CD247: variants seen among roughly 807,000 people sequenced by gnomAD.
CD247 encodes T-cell surface glycoprotein CD3 zeta chain.
A neutral mutation model predicts 30.0 loss-of-function variants in CD247; 13 were observed. The observed-to-expected ratio is 0.43, with a 90% CI of 0.28 to 0.69. CD247 has a LOEUF of 0.69. Among genes scored for constraint, CD247 ranks in the 30% least tolerant of loss-of-function variants. The pLI is 0.16. For synonymous variants in CD247, 72 were observed against 80.0 expected (o/e 0.90, Z 0.53); for missense variants, 193 against 212.6 (o/e 0.91, Z 0.57).
intron 1 of CD247, among the ~76,000 whole-genome samples, chr1:167,444,354 C>T (rs1024710130): frequency 7.2e-5 from 11 of 152,152 alleles, no homozygotes; most frequent in East Asian, 1.9e-4. Context: ...TCCCTGTGCG[C>T]GCTCCTGTGG....
At chr1:167,482,356 C>T (rs532102036) in intron 1 of CD247, among the ~76,000 whole-genome samples, 36 of 152,382 alleles carry the variant, frequency 2.4e-4, no homozygotes, top group African/African-American at 8.2e-4. Context: ...CCCTCACCAA[C>T]AGCCAAGAGG....
chr1:167,433,994 G>T, intron 6 of CD247, 26 bp downstream of exon 6: 1 of 1,605,480 alleles, frequency 6.2e-7, no homozygotes, highest in Non-Finnish European at 8.5e-7. Context: ...GAACTCCCTC[G>T]GAAATTAAGA....
At chr1:167,477,807 G>A (rs1487688351) in intron 1 of CD247, among the ~76,000 whole-genome samples, 3 of 152,224 alleles carry the variant, frequency 2.0e-5, no homozygotes, top group Non-Finnish European at 4.4e-5. Context: ...GAGATGACAG[G>A]TGTGAGCCAC....
intron 1 of CD247, among the ~76,000 whole-genome samples, chr1:167,482,025 C>T (rs1266611521): frequency 1.3e-5 from 2 of 152,186 alleles, no homozygotes; most frequent in Admixed American, 6.5e-5. Flanking sequence ...GCCTCTCAAC[C>T]AAGACTTCTG....
intron 1 of CD247, among the ~76,000 whole-genome samples, chr1:167,505,219 C>G (rs1203242851): frequency 6.6e-6 from 1 of 152,092 alleles, no homozygotes; most frequent in East Asian, 1.9e-4. Context: ...CAGCCTGGAA[C>G]TCCTGGGCTC....
intron 1 of CD247, among the ~76,000 whole-genome samples, chr1:167,458,313 G>C (rs1388897621): frequency 1.3e-5 from 2 of 152,326 alleles, no homozygotes; most frequent in African/African-American, 4.8e-5. Flanking sequence ...GGAATGAGTG[G>C]GATTGGGATG....
intron 2 of CD247, 54 bp downstream of exon 2, chr1:167,440,610 C>T (rs1651781589): frequency 1.7e-6 from 2 of 1,190,410 alleles, no homozygotes; most frequent in South Asian, 1.2e-5. Flanking sequence ...CCCCTCTGAA[C>T]ATCCATCAAG....
At position 167,471,321 on chromosome 1, in the gene CD247, T is replaced by C. The variant is rs545783537; in HGVS notation, c.59-30554A>G. On this transcript the variant is annotated intron_variant, in intron 1 of 7. Coordinates refer to ENST00000362089, the MANE Select transcript of CD247 (RefSeq NM_198053.3). ...TTCAGCTCTAAATTTTCTGGGCTAT[T>C]TAAACTTAGGGCTGACTTACTTTCC... 1.4e-3 allele frequency among the ~76,000 whole-genome samples: 216 copies of C among 152,314 alleles called. 2 individuals are homozygous for C. The highest frequency in any genetic ancestry group is 5.1e-3 in the African/African-American group (212 of 41,570).
chr1:167,431,471 G>A lies in CD247; in HGVS notation c.*210C>T, dbSNP rs1198749732. On this transcript the variant is annotated 3_prime_UTR_variant, in exon 8 of 8. Coordinates refer to ENST00000362089, the MANE Select transcript of CD247 (RefSeq NM_198053.3). ...AACCAGAGGGCCCAAGGCCAGGGCCGTAAGCCCTGGGAGTACACTCCCTTA... is the reference window on the plus strand; with the variant it reads ...AACCAGAGGGCCCAAGGCCAGGGCCATAAGCCCTGGGAGTACACTCCCTTA... The A allele has an allele frequency of 2.1e-5, 13 of 631,296 alleles. No homozygotes were observed. Among genetic ancestry groups the A allele is most frequent in the South Asian group, 3.7e-5 (2 of 54,444 alleles). 39.1% of individuals were successfully genotyped at this position (631,296 alleles called of 1,614,324 possible). A position where few individuals can be genotyped will look rare whatever the true frequency, so the allele number is the denominator to read the frequency against.
chr1:167,485,642 G>T (rs770492970), intron 1 of CD247, among the ~76,000 whole-genome samples: 12 of 152,078 alleles, frequency 7.9e-5, no homozygotes, highest in Non-Finnish European at 1.3e-4. Context: ...AGGCTCCCGT[G>T]GGGAGGGTAT....
chr1:167,469,777 G>A (rs192897568), intron 1 of CD247, among the ~76,000 whole-genome samples: 312 of 152,230 alleles, frequency 2.0e-3, no homozygotes, highest in African/African-American at 7.2e-3. Flanking sequence ...GGTCACTGGG[G>A]CACAGCCTCC....
intron 4 of CD247, 26 bp downstream of exon 4, chr1:167,438,544 A>G (rs752464950): frequency 8.2e-6 from 13 of 1,588,668 alleles, no homozygotes; most frequent in Non-Finnish European, 1.1e-5. Context: ...ATGCAGGAAC[A>G]CACAGGAAGG....
intron 1 of CD247, among the ~76,000 whole-genome samples, chr1:167,479,920 G>A (rs757763989): frequency 7.2e-5 from 11 of 152,176 alleles, no homozygotes; most frequent in Non-Finnish European, 1.0e-4. Flanking sequence ...CATGAGCTTC[G>A]TGACTGCAGA....
At chr1:167,449,217 A>T (rs1227798370) in intron 1 of CD247, among the ~76,000 whole-genome samples, 3 of 131,170 alleles carry the variant, frequency 2.3e-5, no homozygotes, top group Non-Finnish European at 3.1e-5. Context: ...CAGTGGCATG[A>T]TCTTGGCTGA....
At chr1:167,438,950 G>A (rs1219785884) in intron 3 of CD247, among the ~76,000 whole-genome samples, 1 of 152,206 alleles carries the variant, frequency 6.6e-6, no homozygotes, top group African/African-American at 2.4e-5. Context: ...GGGCTCAGAG[G>A]TGGTAGTCAA....
At chr1:167,452,742 T>TG (rs1291994611) in intron 1 of CD247, among the ~76,000 whole-genome samples, 2 of 151,958 alleles carry the variant, frequency 1.3e-5, no homozygotes, top group Non-Finnish European at 1.5e-5. Flanking sequence ...GAGTAAACAA[T>TG]GACAGGCAAG....
chr1:167,487,925 A>G (rs979976838), intron 1 of CD247, among the ~76,000 whole-genome samples: 2 of 152,106 alleles, frequency 1.3e-5, no homozygotes, highest in African/African-American at 4.8e-5. Flanking sequence ...TTTTGTAGAG[A>G]TGGGGGTCTC....
Position 167,430,833 on chromosome 1 carries a change from C to T in CD247, c.*848G>A. The T allele has an allele frequency of 2.5e-6, 1 of 398,774 alleles. No homozygotes were observed. 24.7% of individuals were successfully genotyped at this position (398,774 alleles called of 1,614,324 possible). The stretch of plus-strand genomic sequence containing the variant: ...CACTGTCCGCTGGGCAGTTATAGGT[C>T]CCATGTGTTGGGTCTTCCTGCGAGG... On this transcript the variant is annotated 3_prime_UTR_variant, in exon 8 of 8. Transcript: ENST00000362089.
At chr1:167,484,994 G>C (rs1165710240) in intron 1 of CD247, among the ~76,000 whole-genome samples, 1 of 152,158 alleles carries the variant, frequency 6.6e-6, no homozygotes, top group Non-Finnish European at 1.5e-5. Context: ...CAGGTATTTG[G>C]TATCTAGGGA....
Sources: allele counts gnomAD v4.1 joint callset (sites outside exome capture counted in the v4.1 genomes callset), GRCh38; gene constraint gnomAD v4.1.1; transcripts MANE v1.5; gene names NCBI Gene and HGNC (gene_info 2026-07-23, HGNC 2026-07-21).